SHLD2: variants seen among roughly 807,000 people sequenced by gnomAD.
SHLD2 encodes shieldin complex subunit 2.
A neutral mutation model predicts 73.2 loss-of-function variants in SHLD2; 30 were observed. The observed-to-expected ratio is 0.41, with a 90% CI of 0.31 to 0.56. SHLD2 has a LOEUF of 0.56. Among genes scored for constraint, SHLD2 ranks in the 20% least tolerant of loss-of-function variants. SHLD2 has a pLI of 0.28. For synonymous variants in SHLD2, 285 were observed against 370.1 expected, an observed-to-expected ratio of 0.77 and a Z score of 2.64; for missense variants, 745 against 1,055.9, an observed-to-expected ratio of 0.71 and a Z score of 4.08.
intron 2 of SHLD2, among the ~76,000 whole-genome samples, chr10:87,135,589 C>T (rs1844744536): frequency 6.6e-6 from 1 of 151,822 alleles, no homozygotes; most frequent in African/African-American, 2.4e-5. Flanking sequence ...AACTCCTGGG[C>T]TCAACGCGAT....
chr10:87,162,586 T>C (rs1316301842), intron 4 of SHLD2, among the ~76,000 whole-genome samples: 1 of 152,090 alleles, frequency 6.6e-6, no homozygotes, highest in South Asian at 2.1e-4. Context: ...CCCAGCTACG[T>C]TGGAGGCTGA....
intron 3 of SHLD2, among the ~76,000 whole-genome samples, chr10:87,155,401 CTT>C (rs1243633946): frequency 6.6e-6 from 1 of 151,778 alleles, no homozygotes; most frequent in Non-Finnish European, 1.5e-5. Context: ...CTGAATACCT[CTT>C]TGCTTGTGAT....
At chr10:87,164,340 C>T (rs1847046033) in intron 4 of SHLD2, among the ~76,000 whole-genome samples, 1 of 150,970 alleles carries the variant, frequency 6.6e-6, no homozygotes, top group South Asian at 2.1e-4. Context: ...CCAACTTCTG[C>T]CTCCTGGGCT....
intron 1 of SHLD2, among the ~76,000 whole-genome samples, 190 bp from the exon 2 acceptor site, chr10:87,096,744 T>G (rs1386127063): frequency 6.6e-6 from 1 of 152,198 alleles, no homozygotes; most frequent in Non-Finnish European, 1.5e-5. Context: ...TTTTAGAATA[T>G]GGAAGAGAAA....
chr10:87,170,597 G>C lies in SHLD2; in HGVS notation c.1753G>C (p.Val585Leu). 6.2e-7 allele frequency: 1 copy of C among 1,613,654 alleles called. No individual in the cohort carries two copies. Among genetic ancestry groups the C allele is most frequent in the Non-Finnish European group, 8.5e-7 (1 of 1,179,796 alleles). ...QPQRVNSIDF[V>L]ELEHLQPDVL... ...TCAGAGGGTGAACAGTATAGACTTT[G>C]TAGAATTGGAGCACCTTCAACCTGA... Residue 585 changes from valine to leucine, a missense_variant, in exon 5 of 10, where the codon GTA (valine) becomes CTA (leucine). Val to Leu is a conservative substitution (Grantham distance 32, BLOSUM62 1). Around this residue, in one of 5 missense-constraint regions of SHLD2, gnomAD observed 418 missense variants for 567.8 expected, o/e 0.74. Coordinates refer to ENST00000298786, the MANE Select transcript of SHLD2 (RefSeq NM_001330112.2).
At chr10:87,147,091 A>C (rs1845680315) in intron 2 of SHLD2, among the ~76,000 whole-genome samples, 1 of 151,680 alleles carries the variant, frequency 6.6e-6, no homozygotes, top group Non-Finnish European at 1.5e-5. Context: ...AAAAAAAACA[A>C]AAAAACCTTG....
intron 2 of SHLD2, among the ~76,000 whole-genome samples, chr10:87,139,442 A>G (rs1191067924): frequency 1.3e-5 from 2 of 152,194 alleles, no homozygotes; most frequent in Non-Finnish European, 2.9e-5. Flanking sequence ...AATGACCCAT[A>G]ACCAGGAGAA....
In SHLD2 at chr10:87,105,341, T is replaced by C. The variant is rs114900211; in HGVS notation, c.-6+8352T>C. 5.7e-3 allele frequency among the ~76,000 whole-genome samples: 873 copies of C among 152,326 alleles called. 7 individuals are homozygous for C. The highest frequency in any genetic ancestry group is 0.019 in the African/African-American group (776 of 41,578). ...TTCTCCTTGACCATTCTAGAGGTGT[T>C]GCAGAAGAAACAGACTTTAGGTGAA... On this transcript the variant is annotated intron_variant, in intron 2 of 9. Transcript: ENST00000298786.
At chr10:87,179,447 G>T (rs1210566879) in intron 7 of SHLD2, among the ~76,000 whole-genome samples, 2 of 151,722 alleles carry the variant, frequency 1.3e-5, no homozygotes, top group Admixed American at 1.3e-4. Context: ...TTTCGCCCAG[G>T]CCGGAGTGCA....
intron 2 of SHLD2, among the ~76,000 whole-genome samples, chr10:87,138,734 A>G (rs1175323327): frequency 6.6e-6 from 1 of 152,248 alleles, no homozygotes; most frequent in Non-Finnish European, 1.5e-5. Flanking sequence ...AAGAGGGATT[A>G]ACTGCTACAA....
In SHLD2 at chr10:87,166,592, C is replaced by T. The variant is rs549170595; in HGVS notation, c.1634-3886C>T. On this transcript the variant is annotated intron_variant, in intron 4 of 9. Coordinates refer to ENST00000298786, the MANE Select transcript of SHLD2 (RefSeq NM_001330112.2). Reference sequence around the variant, plus strand: ...TCAGTGCATGTTCAATAAAAATCCTCGTAAGATTTCAAGGGCTCAGTGGCT... The same window carrying T: ...TCAGTGCATGTTCAATAAAAATCCTTGTAAGATTTCAAGGGCTCAGTGGCT... 3.3e-5 allele frequency among the ~76,000 whole-genome samples: 5 copies of T among 152,266 alleles called. No homozygotes were observed. In the East Asian group the frequency reaches 5.8e-4, roughly 18 times the overall value.
Position 87,107,094 on chromosome 10 carries a change from CAA to C in SHLD2, c.-6+10118_-6+10119del, listed in dbSNP as rs1554827009. ...GATATTAATCTAAAGCAATAATTGG[CAA>C]AAAAAAAAAAAAGAGATTTAAAATG... On this transcript the variant is annotated intron_variant, in intron 2 of 9. Coordinates refer to ENST00000298786, the MANE Select transcript of SHLD2 (RefSeq NM_001330112.2). Among the ~76,000 whole-genome samples, 8 of 110,494 alleles carry C rather than the reference CAA, an allele frequency of 7.2e-5. 1 individual carries two copies. The East Asian group carries it at 9.6e-4, about 13-fold the overall frequency. The allele number at this position is 110,494 out of a possible 152,430, so 72.5% of individuals were successfully genotyped here.
At position 87,130,150 on chromosome 10, in the gene SHLD2, T is replaced by G. The variant is rs183082741; in HGVS notation, c.-5-21200T>G. On this transcript the variant is annotated intron_variant, in intron 2 of 9. Coordinates refer to ENST00000298786, the MANE Select transcript of SHLD2 (RefSeq NM_001330112.2). The stretch of plus-strand genomic sequence containing the variant: ...ATCCTTGACTATTTGCAGTTATGCC[T>G]CTAAAAGCTGATTGGAAGCTCTTAG... 1.0e-2 allele frequency among the ~76,000 whole-genome samples: 1,516 copies of G among 152,250 alleles called. 13 individuals carry two copies. The highest frequency in any genetic ancestry group is 0.014 in the Non-Finnish European group (944 of 68,026).
At chr10:87,114,448 T>C (rs1301888127) in intron 2 of SHLD2, 1 of 152,034 alleles carries the variant, frequency 6.6e-6, no homozygotes, top group Non-Finnish European at 1.5e-5. Flanking sequence ...GTCAAGCCCG[T>C]GTGCAGTGGC....
At chr10:87,098,530 A>G (rs900877417) in intron 2 of SHLD2, among the ~76,000 whole-genome samples, 2 of 151,602 alleles carry the variant, frequency 1.3e-5, no homozygotes, top group East Asian at 1.9e-4. Context: ...AAAAAAAAAA[A>G]CAGGGAGTGA....
At chr10:87,181,930 T>C (rs1430878068) in intron 8 of SHLD2, among the ~76,000 whole-genome samples, 1 of 150,110 alleles carries the variant, frequency 6.7e-6, no homozygotes, top group Non-Finnish European at 1.5e-5. Flanking sequence ...CCACCACGCC[T>C]GGCTAATTTT....
chr10:87,096,636 C>CAA (rs1841916242), intron 1 of SHLD2, among the ~76,000 whole-genome samples: 2 of 152,190 alleles, frequency 1.3e-5, no homozygotes, highest in Non-Finnish European at 2.9e-5. Flanking sequence ...CACCACATTA[C>CAA]TAGCGTTAGC....
chr10:87,169,866 G>A (rs4934310), intron 4 of SHLD2, among the ~76,000 whole-genome samples: 131,763 of 152,160 alleles, frequency 0.87, 57,926 homozygotes, highest in African/African-American at 0.96. Context: ...AATGTAGCAC[G>A]TGCTCAAAAG....
intron 2 of SHLD2, among the ~76,000 whole-genome samples, chr10:87,112,626 C>A (rs1842999834): frequency 6.6e-6 from 1 of 151,578 alleles, no homozygotes; most frequent in Non-Finnish European, 1.5e-5. Context: ...CAGAGCAAGA[C>A]CCTGTCTCTA....
Sources: allele counts gnomAD v4.1 joint callset (sites outside exome capture counted in the v4.1 genomes callset), GRCh38; gene constraint gnomAD v4.1.1; regional missense constraint gnomAD v4.1.1; transcripts MANE v1.5; gene names NCBI Gene and HGNC (gene_info 2026-07-23, HGNC 2026-07-21).